CBLN2: variants seen among roughly 807,000 people sequenced by gnomAD.
The protein encoded by CBLN2 is cerebellin-2.
Under a neutral mutation model 15.0 loss-of-function variants are expected in CBLN2, and 7 were observed. The ratio of observed to expected loss-of-function variants is 0.47; its 90% CI spans 0.27 to 0.88. The LOEUF (loss-of-function observed/expected upper bound fraction) is 0.88. Among genes scored for constraint, CBLN2 ranks in the 40% least tolerant of loss-of-function variants. CBLN2 has a pLI of 0.14. For synonymous variants in CBLN2, 149 were observed against 135.2 expected (o/e 1.10, Z -0.71); for missense variants, 242 against 304.5 (o/e 0.79, Z 1.53).
At chr18:72,599,810 G>A (rs986783028) in intron 1 of CBLN2, among the ~76,000 whole-genome samples, 7 of 152,234 alleles carry the variant, frequency 4.6e-5, no homozygotes, top group African/African-American at 1.7e-4. Context: ...TTCATCTTGT[G>A]AGATTACAAG....
chr18:72,549,913 A>T (rs1568252569), intron 1 of CBLN2, among the ~76,000 whole-genome samples: 1 of 152,098 alleles, frequency 6.6e-6, no homozygotes, highest in Non-Finnish European at 1.5e-5. Flanking sequence ...TTTGTGAAAA[A>T]AATGAAACCC....
At chr18:72,606,920 C>T (rs1290267677) in intron 1 of CBLN2, among the ~76,000 whole-genome samples, 3 of 152,200 alleles carry the variant, frequency 2.0e-5, no homozygotes, top group African/African-American at 7.2e-5. Context: ...AGTATGTCTC[C>T]CTGTTGGAGG....
chr18:72,631,374 A>G (rs575007755), intron 1 of CBLN2, among the ~76,000 whole-genome samples: 1 of 152,148 alleles, frequency 6.6e-6, no homozygotes, highest in East Asian at 1.9e-4. Flanking sequence ...AAATTATAAC[A>G]TTGAAGCCTG....
At chr18:72,633,875 T>G (rs1406141589) in intron 1 of CBLN2, among the ~76,000 whole-genome samples, 1 of 152,152 alleles carries the variant, frequency 6.6e-6, no homozygotes, top group African/African-American at 2.4e-5. Flanking sequence ...CAGTCAACAA[T>G]TCTACTGTTT....
At chr18:72,635,078 T>C (rs2069803400) in intron 1 of CBLN2, among the ~76,000 whole-genome samples, 1 of 152,046 alleles carries the variant, frequency 6.6e-6, no homozygotes, top group African/African-American at 2.4e-5. Flanking sequence ...CTGCACAGAG[T>C]TCCCACTCGG....
intron 1 of CBLN2, among the ~76,000 whole-genome samples, chr18:72,571,751 T>C (rs1357176443): frequency 1.3e-5 from 2 of 152,228 alleles, no homozygotes; most frequent in Non-Finnish European, 2.9e-5. Context: ...ATGTTGGCCA[T>C]ATGGAATCTT....
intron 1 of CBLN2, among the ~76,000 whole-genome samples, chr18:72,613,415 T>G (rs1186571375): frequency 6.6e-6 from 1 of 152,224 alleles, no homozygotes; most frequent in Non-Finnish European, 1.5e-5. Context: ...TTTCCCAATA[T>G]CTGGCACATA....
At chr18:72,597,161 C>A (rs935982123) in intron 1 of CBLN2, among the ~76,000 whole-genome samples, 2 of 152,096 alleles carry the variant, frequency 1.3e-5, no homozygotes, top group Admixed American at 1.3e-4. Flanking sequence ...TTGTCGGCAC[C>A]CATCCTTCTT....
At chr18:72,632,111 G>C (rs904022358) in intron 1 of CBLN2, among the ~76,000 whole-genome samples, 8 of 151,966 alleles carry the variant, frequency 5.3e-5, no homozygotes, top group Non-Finnish European at 8.8e-5. Context: ...TTGAAAAATA[G>C]TAATGATCAA....
chr18:72,608,709 C>A (rs1462615575), intron 1 of CBLN2, among the ~76,000 whole-genome samples: 1 of 152,126 alleles, frequency 6.6e-6, no homozygotes, highest in Non-Finnish European at 1.5e-5. Flanking sequence ...TGCCTAGGAG[C>A]ACAGGTGTTG....
intron 1 of CBLN2, among the ~76,000 whole-genome samples, chr18:72,615,029 T>A (rs2069647316): frequency 7.3e-6 from 1 of 136,056 alleles, no homozygotes. Context: ...CTTAAGGAGA[T>A]CAAGTACATA....
chr18:72,541,763 C>T, intron 3 of CBLN2, 41 bp downstream of exon 3: 1 of 1,482,862 alleles, frequency 6.7e-7, no homozygotes, highest in Non-Finnish European at 9.0e-7. Context: ...CCCCGCCCCT[C>T]TCCCCGGGCT....
At chr18:72,631,593 G>C (rs1195061463) in intron 1 of CBLN2, among the ~76,000 whole-genome samples, 1 of 152,070 alleles carries the variant, frequency 6.6e-6, no homozygotes, top group Non-Finnish European at 1.5e-5. Flanking sequence ...AAAGGAATCA[G>C]GGAATGGAAA....
Position 72,542,148 on chromosome 18 carries a change from C to T in CBLN2, c.13G>A (p.Gly5Ser), listed in dbSNP as rs1287986625. Reference protein sequence around the residue: MQAPGRGPLGLRLMM... With the variant: MQAPSRGPLGLRLMM... ...AGCCGCAGCCCGAGTGGCCCCCGGC[C>T]GGGCGCCTGCATCGGGACTGGTGGG... is the stretch of plus-strand genomic sequence containing the variant. The change falls in exon 3 of 5, where the codon GGC becomes AGC. Residue 5 changes from glycine (G) to serine (S), a missense_variant. By Grantham distance (56) the Gly-to-Ser change is moderately conservative. This residue lies in a region of CBLN2 where 96 missense variants were observed against 83.8 expected (regional missense o/e 1.15). Transcript: ENST00000269503. The T allele has an allele frequency of 1.1e-5, 15 of 1,311,994 alleles. No individual in the cohort carries two copies. The highest frequency in any genetic ancestry group is 1.3e-5 in the Non-Finnish European group (14 of 1,037,902). The allele number at this position is 1,311,994 out of a possible 1,614,324, so 81.3% of individuals were successfully genotyped here. A position where few individuals can be genotyped will look rare whatever the true frequency, so the allele number is the denominator to read the frequency against.
intron 1 of CBLN2, among the ~76,000 whole-genome samples, chr18:72,552,134 T>C (rs1194375637): frequency 1.3e-5 from 2 of 152,116 alleles, no homozygotes; most frequent in Non-Finnish European, 2.9e-5. Context: ...TTCGCTCTTT[T>C]TGCCCAGGCT....
rs1359494663 is a variant in CBLN2 at position 72,538,721 on chromosome 18, C to G, written c.409G>C (p.Ala137Pro). The G allele has an allele frequency of 6.2e-7, 1 of 1,613,922 alleles. No homozygotes were observed. Among genetic ancestry groups the G allele is most frequent in the Admixed American group, 1.7e-5 (1 of 60,002 alleles). The change falls in exon 4 of 5, where the codon GCA becomes CCA. Residue 137 changes from alanine to proline, a missense_variant. Physicochemically the swap from Ala to Pro is conservative, Grantham distance 27 (BLOSUM62 -1). This residue lies in a region of CBLN2 where 89 missense variants were observed against 114.2 expected (regional missense o/e 0.78). Coordinates refer to ENST00000269503, the MANE Select transcript of CBLN2 (RefSeq NM_182511.4). ...HFDLASSIFV[A>P]PRKGIYSFSF... ...AAGCTATAAATCCCTTTTCTCGGTGCTACAAATATACTGGAAGCAAGATCA... is the reference window on the plus strand; with the variant it reads ...AAGCTATAAATCCCTTTTCTCGGTGGTACAAATATACTGGAAGCAAGATCA...
chr18:72,618,635 A>C, intron 1 of CBLN2: 1 of 976,206 alleles, frequency 1.0e-6, no homozygotes, highest in South Asian at 1.3e-5. Flanking sequence ...CTAAGAGATT[A>C]TTTTGAACAG....
intron 3 of CBLN2, 79 bp from the exon 4 acceptor site, chr18:72,538,851 C>G: frequency 1.3e-6 from 2 of 1,551,292 alleles, no homozygotes; most frequent in Non-Finnish European, 1.7e-6. Context: ...GGATAACCAG[C>G]AACACTGCCT....
intron 1 of CBLN2, chr18:72,625,281 A>T (rs141451159): frequency 2.0e-5 from 3 of 152,046 alleles, no homozygotes; most frequent in African/African-American, 7.2e-5. Context: ...GCTAAGTTTC[A>T]TGTCTTTGTC....
Sources: allele counts gnomAD v4.1 joint callset (sites outside exome capture counted in the v4.1 genomes callset), GRCh38; gene constraint gnomAD v4.1.1; regional missense constraint gnomAD v4.1.1; transcripts MANE v1.5; gene names NCBI Gene and HGNC (gene_info 2026-07-23, HGNC 2026-07-21).